CHD7: variants seen among roughly 807,000 people sequenced by gnomAD.
CHD7 encodes chromodomain helicase DNA binding protein 7, also known as ATP-dependent chromatin remodeler CHD7.
A neutral mutation model predicts 307.3 loss-of-function variants in CHD7; 24 were observed. The observed-to-expected ratio is 0.08, with a 90% CI of 0.06 to 0.11. The LOEUF (loss-of-function observed/expected upper bound fraction) is 0.11, where lower values mean the gene tolerates loss of function less well. Ranked by LOEUF, CHD7 falls within the 10% of genes least tolerant of loss-of-function variation. CHD7 has a pLI of 1.00. For synonymous variants in CHD7, 1,363 were observed against 1,349.9 expected, an observed-to-expected ratio of 1.01 and a Z score of -0.21; for missense variants, 3,106 against 3,727.1, an observed-to-expected ratio of 0.83 and a Z score of 4.34.
chr8:60,789,891 A>G (rs1811687370), intron 3 of CHD7, among the ~76,000 whole-genome samples: 1 of 152,206 alleles, frequency 6.6e-6, no homozygotes, highest in South Asian at 2.1e-4. Flanking sequence ...TCTGAATATA[A>G]AGTTTGTGTT....
intron 1 of CHD7, among the ~76,000 whole-genome samples, chr8:60,712,309 G>A (rs1338838093): frequency 1.3e-5 from 2 of 152,156 alleles, no homozygotes; most frequent in Admixed American, 6.5e-5. Context: ...GCTTAATCAC[G>A]GAGGGTGGTG....
At chr8:60,808,607 G>A (rs1315047882) in intron 7 of CHD7, 2 of 293,154 alleles carry the variant, frequency 6.8e-6, no homozygotes, top group Non-Finnish European at 1.3e-5. Flanking sequence ...GCTACACTTC[G>A]TCCCTTCACC....
At chr8:60,836,305 T>C in intron 16 of CHD7, 22 bp downstream of exon 16, 1 of 1,598,892 alleles carries the variant, frequency 6.3e-7, no homozygotes, top group South Asian at 1.1e-5. Flanking sequence ...CATATCAGAA[T>C]AATAAAAAGG....
intron 2 of CHD7, among the ~76,000 whole-genome samples, chr8:60,761,881 G>GT (rs1266294393): frequency 6.6e-6 from 1 of 152,188 alleles, no homozygotes; most frequent in Non-Finnish European, 1.5e-5. Flanking sequence ...CCCTTGGCCA[G>GT]TGTCAGTATA....
chr8:60,704,659 G>A (rs552830321), intron 1 of CHD7, among the ~76,000 whole-genome samples: 1 of 151,348 alleles, frequency 6.6e-6, no homozygotes, highest in African/African-American at 2.4e-5. Context: ...AGCAGAAGTG[G>A]GTGGGTCTGA....
intron 1 of CHD7, among the ~76,000 whole-genome samples, chr8:60,703,781 C>A (rs576547624): frequency 2.0e-5 from 3 of 152,206 alleles, no homozygotes; most frequent in African/African-American, 7.2e-5. Context: ...AGCTACCAAG[C>A]CTGGTCTGTT....
intron 24 of CHD7, 57 bp downstream of exon 24, chr8:60,848,661 A>C: frequency 7.5e-7 from 1 of 1,337,534 alleles, no homozygotes; most frequent in Non-Finnish European, 1.1e-6. Flanking sequence ...GGTAGCCGGA[A>C]AACATCATGG....
Position 60,837,724 on chromosome 8 carries a change from G to A in CHD7, c.4242G>A (p.Leu1414=). Residue 1414 remains leucine (L), a synonymous_variant, in exon 18 of 38, where the codon CTG becomes CTA. Coordinates refer to ENST00000423902, the MANE Select transcript of CHD7 (RefSeq NM_017780.4). The part of the protein sequence containing the change: ...GQSKSVKIYR[L]ITRNSYEREM... ...GCAAATCTGTGAAAATCTACAGGCTGATTACAAGAAATTCCTATGAAAGGG... is the reference window on the plus strand; with the variant it reads ...GCAAATCTGTGAAAATCTACAGGCTAATTACAAGAAATTCCTATGAAAGGG... 6.2e-7 allele frequency: 1 copy of A among 1,605,642 alleles called. No individual in the cohort carries two copies. Among genetic ancestry groups the A allele is most frequent in the Non-Finnish European group, 8.5e-7 (1 of 1,175,468 alleles).
chr8:60,751,797 G>A (rs1177388266), intron 2 of CHD7, among the ~76,000 whole-genome samples: 4 of 152,186 alleles, frequency 2.6e-5, no homozygotes, highest in Non-Finnish European at 4.4e-5. Flanking sequence ...CATGATTACA[G>A]GTGATGGAGA....
chr8:60,854,842 C>A (rs1187901971), intron 32 of CHD7, among the ~76,000 whole-genome samples: 3 of 152,114 alleles, frequency 2.0e-5, no homozygotes, highest in African/African-American at 7.2e-5. Context: ...TATGGATTAT[C>A]ACTGTGTTTT....
intron 4 of CHD7, among the ~76,000 whole-genome samples, chr8:60,797,368 A>G (rs543264699): frequency 6.6e-6 from 1 of 152,372 alleles, no homozygotes; most frequent in East Asian, 1.9e-4. Flanking sequence ...TCACTATTGC[A>G]CAGATTTATA....
At chr8:60,788,080 G>T (rs1006835456) in intron 3 of CHD7, among the ~76,000 whole-genome samples, 1 of 151,386 alleles carries the variant, frequency 6.6e-6, no homozygotes, top group Non-Finnish European at 1.5e-5. Flanking sequence ...CCTTGGTCTC[G>T]CAAAGTGCTG....
intron 23 of CHD7, among the ~76,000 whole-genome samples, chr8:60,847,204 G>C (rs188423637): frequency 6.6e-6 from 1 of 152,184 alleles, no homozygotes; most frequent in Non-Finnish European, 1.5e-5. Flanking sequence ...CTCGTGGTTG[G>C]GGGAGGGCCT....
intron 2 of CHD7, among the ~76,000 whole-genome samples, chr8:60,759,169 C>A (rs1048043031): frequency 8.6e-5 from 13 of 151,906 alleles, no homozygotes; most frequent in Admixed American, 6.6e-5. Context: ...CTTTTTCTTA[C>A]AAAATTGAAA....
At chr8:60,773,614 G>A (rs371274708) in intron 2 of CHD7, among the ~76,000 whole-genome samples, 61 of 152,254 alleles carry the variant, frequency 4.0e-4, no homozygotes, top group African/African-American at 1.4e-3. Context: ...CAAAGATGGC[G>A]AAAACTGGCT....
chr8:60,749,351 A>G, intron 2 of CHD7, among the ~76,000 whole-genome samples: 1 of 133,738 alleles, frequency 7.5e-6, no homozygotes, highest in East Asian at 2.6e-4. Flanking sequence ...AGCCTGGTCA[A>G]CAGAGCAAGA....
intron 2 of CHD7, among the ~76,000 whole-genome samples, chr8:60,752,585 A>G (rs1586268973): frequency 1.3e-5 from 2 of 152,330 alleles, no homozygotes; most frequent in East Asian, 3.8e-4. Context: ...GAAGGTATGT[A>G]TCTAAATGTG....
intron 2 of CHD7, among the ~76,000 whole-genome samples, chr8:60,757,043 T>C (rs1809933276): frequency 1.3e-5 from 2 of 152,154 alleles, no homozygotes; most frequent in African/African-American, 4.8e-5. Flanking sequence ...CTATATTGAG[T>C]CTCTAACATT....
Position 60,852,733 on chromosome 8 carries a change from A to C in CHD7, c.6103+27A>C, listed in dbSNP as rs1195229918. The C allele has an allele frequency of 3.1e-6, 5 of 1,612,592 alleles. No individual in the cohort carries two copies. The South Asian group carries it at 5.5e-5, about 18-fold the overall frequency. On this transcript the variant is annotated intron_variant, in intron 30 of 37. Coordinates refer to ENST00000423902, the MANE Select transcript of CHD7 (RefSeq NM_017780.4). ...TAGGTACATTTAGCAACAAAGTTCTATACAAAAAGACGAGTAAAGTGAAAA... is the reference window on the plus strand; with the variant it reads ...TAGGTACATTTAGCAACAAAGTTCTCTACAAAAAGACGAGTAAAGTGAAAA...
Sources: gnomAD v4.1 joint callset for allele counts (sites outside exome capture counted in the v4.1 genomes callset) on GRCh38, gnomAD v4.1.1 for gene constraint, MANE v1.5 for transcripts, NCBI Gene and HGNC (gene_info 2026-07-23, HGNC 2026-07-21) for gene names.